Variants in BABAM2 observed in about 807,000 individuals in gnomAD.
BABAM2 encodes BRISC and BRCA1 A complex member 2, also known as BRISC and BRCA1-A complex member 2.
A neutral mutation model predicts 54.7 loss-of-function variants in BABAM2; 31 were observed. That is an observed-to-expected ratio of 0.57 (90% CI 0.43 to 0.77). The LOEUF is 0.77. Ranked by LOEUF, BABAM2 falls within the 30% of genes least tolerant of loss-of-function variation. The pLI, the probability that BABAM2 is intolerant of heterozygous loss-of-function variation, is 0.00. For synonymous variants in BABAM2, 167 were observed against 162.9 expected, an observed-to-expected ratio of 1.03 and a Z score of -0.19; for missense variants, 364 against 455.8, an observed-to-expected ratio of 0.80 and a Z score of 1.83.
intron 3 of BABAM2, among the ~76,000 whole-genome samples, chr2:27,962,892 A>C (rs555417594): frequency 6.6e-6 from 1 of 152,352 alleles, no homozygotes; most frequent in East Asian, 1.9e-4. Context: ...TAAAAAGAAT[A>C]TTATCCACGA....
intron 6 of BABAM2, among the ~76,000 whole-genome samples, chr2:28,124,922 G>T (rs769964453): frequency 6.6e-6 from 1 of 152,186 alleles, no homozygotes; most frequent in Non-Finnish European, 1.5e-5. Context: ...TAAATTTTCT[G>T]TGATGGCAGA....
intron 6 of BABAM2, among the ~76,000 whole-genome samples, chr2:28,095,405 G>A (rs1390623359): frequency 6.6e-6 from 1 of 152,172 alleles, no homozygotes; most frequent in Non-Finnish European, 1.5e-5. Context: ...TGAGGGCAGG[G>A]CCCATGTCTA....
intron 6 of BABAM2, among the ~76,000 whole-genome samples, chr2:28,093,489 C>G (rs555468022): frequency 6.6e-6 from 1 of 152,250 alleles, no homozygotes; most frequent in South Asian, 2.1e-4. Context: ...AGCATGTCAT[C>G]AGCATAATGT....
At chr2:28,058,920 C>T (rs905040010) in intron 6 of BABAM2, among the ~76,000 whole-genome samples, 1 of 152,160 alleles carries the variant, frequency 6.6e-6, no homozygotes, top group Non-Finnish European at 1.5e-5. Context: ...ACAACGGCTC[C>T]TTCACTGTGG....
At chr2:27,975,502 C>T (rs557251648) in intron 3 of BABAM2, among the ~76,000 whole-genome samples, 21 of 151,996 alleles carry the variant, frequency 1.4e-4, no homozygotes, top group Non-Finnish European at 2.6e-4. Context: ...AGCAAGTAGA[C>T]ATCTACATGC....
At chr2:28,233,848 A>G (rs1681652672) in intron 7 of BABAM2, among the ~76,000 whole-genome samples, 1 of 152,130 alleles carries the variant, frequency 6.6e-6, no homozygotes. Flanking sequence ...GGGGTGGGAG[A>G]GTACTGAGGT....
At chr2:28,301,852 T>A (rs1688129422) in intron 11 of BABAM2, among the ~76,000 whole-genome samples, 1 of 152,226 alleles carries the variant, frequency 6.6e-6, no homozygotes, top group African/African-American at 2.4e-5. Flanking sequence ...GGAAATGGCT[T>A]TGCATATATA....
intron 7 of BABAM2, among the ~76,000 whole-genome samples, chr2:28,188,848 G>A (rs1006017664): frequency 9.2e-5 from 14 of 152,118 alleles, no homozygotes; most frequent in Admixed American, 3.3e-4. Context: ...AGTTAGTATT[G>A]AACACAGACT....
intron 9 of BABAM2, among the ~76,000 whole-genome samples, 192 bp from the exon 10 acceptor site, chr2:28,244,588 C>T (rs1395751524): frequency 6.6e-6 from 1 of 152,176 alleles, no homozygotes; most frequent in Non-Finnish European, 1.5e-5. Context: ...AATGGCAAAG[C>T]TGTGACTTAA....
At chr2:27,999,376 G>A (rs558525347) in intron 4 of BABAM2, among the ~76,000 whole-genome samples, 1 of 152,106 alleles carries the variant, frequency 6.6e-6, no homozygotes, top group East Asian at 1.9e-4. Context: ...CTGTAGACAG[G>A]GGACAAAAGT....
At chr2:28,006,553 C>G (rs1673991248) in intron 4 of BABAM2, among the ~76,000 whole-genome samples, 1 of 151,976 alleles carries the variant, frequency 6.6e-6, no homozygotes, top group South Asian at 2.1e-4. Flanking sequence ...GGTACAGTAT[C>G]CTGGTGTCAT....
chr2:27,994,967 T>C (rs1673037515), intron 4 of BABAM2, among the ~76,000 whole-genome samples: 1 of 152,164 alleles, frequency 6.6e-6, no homozygotes. Flanking sequence ...ATTACTTACC[T>C]AAAGGGGTAA....
chr2:28,236,734 C>G (rs1340972312), intron 7 of BABAM2, among the ~76,000 whole-genome samples: 1 of 152,164 alleles, frequency 6.6e-6, no homozygotes, highest in African/African-American at 2.4e-5. Flanking sequence ...GTGCTTGGAT[C>G]AGTGATTATT....
intron 6 of BABAM2, among the ~76,000 whole-genome samples, chr2:28,080,907 G>A (rs1283721535): frequency 2.0e-5 from 3 of 152,186 alleles, no homozygotes; most frequent in African/African-American, 7.2e-5. Flanking sequence ...TTAGGAAAGT[G>A]TTGTGGTAAT....
At chr2:27,980,654 T>C (rs2148471060) in intron 3 of BABAM2, among the ~76,000 whole-genome samples, 1 of 152,318 alleles carries the variant, frequency 6.6e-6, no homozygotes, top group Non-Finnish European at 1.5e-5. Flanking sequence ...GTTACTTCTT[T>C]GTTTTGAAAA....
intron 7 of BABAM2, among the ~76,000 whole-genome samples, chr2:28,212,546 A>T (rs550528274): frequency 1.3e-5 from 2 of 152,322 alleles, no homozygotes; most frequent in South Asian, 4.1e-4. Context: ...AGATAATATG[A>T]GCGTGTATTC....
At chr2:28,191,435 C>A (rs12622788) in intron 7 of BABAM2, among the ~76,000 whole-genome samples, 37,421 of 152,104 alleles carry the variant, frequency 0.25, 6,251 homozygotes, top group East Asian at 0.66. Context: ...CAAAGACTTG[C>A]AGATGAGTGT....
At position 28,031,337 on chromosome 2, in the gene BABAM2, T is replaced by A. The variant is rs967697736; in HGVS notation, c.495+5917T>A. Among the ~76,000 whole-genome samples the A allele has an allele frequency of 1.6e-4, 24 of 152,206 alleles. No homozygotes were observed. The East Asian group carries it at 3.3e-3, about 21-fold the overall frequency. On this transcript the variant is annotated intron_variant, in intron 5 of 11. Transcript: ENST00000379624. ...TCCTTTGACCCCGTCTTGTTAAGGG[T>A]TTTGTTAGGGACTTGAATGAACCCA...
chr2:28,220,074 C>T (rs1047548862), intron 7 of BABAM2, among the ~76,000 whole-genome samples: 1 of 152,164 alleles, frequency 6.6e-6, no homozygotes, highest in African/African-American at 2.4e-5. Context: ...TTGTACCAAA[C>T]AAGTTTGTGT....
Sources: allele counts gnomAD v4.1 joint callset (sites outside exome capture counted in the v4.1 genomes callset), GRCh38; gene constraint gnomAD v4.1.1; transcripts MANE v1.5; gene names NCBI Gene and HGNC (gene_info 2026-07-23, HGNC 2026-07-21).